MEGF11: variants seen among roughly 807,000 people sequenced by gnomAD.
MEGF11 encodes the protein multiple epidermal growth factor-like domains protein 11.
Under a neutral mutation model 146.6 loss-of-function variants are expected in MEGF11, and 126 were observed. The observed-to-expected ratio is 0.86, with a 90% CI of 0.74 to 1.00. The LOEUF is 1.00. Among genes scored for constraint, MEGF11 ranks in the 50% least tolerant of loss-of-function variants. MEGF11 has a pLI of 0.00. For synonymous variants in MEGF11, 532 were observed against 583.4 expected (o/e 0.91, Z 1.27); for missense variants, 1,509 against 1,521.2 (o/e 0.99, Z 0.13).
intron 1 of MEGF11, among the ~76,000 whole-genome samples, chr15:66,182,211 C>T (rs1318736610): frequency 1.3e-5 from 2 of 152,152 alleles, no homozygotes; most frequent in African/African-American, 2.4e-5. Context: ...TCCTCATACC[C>T]CTCCACGGGC....
rs368376012 is a variant in MEGF11 at position 65,922,884 on chromosome 15, G to C, written c.1761C>G (p.Cys587Trp). The C allele has an allele frequency of 6.2e-7, 1 of 1,613,228 alleles. No individual in the cohort carries two copies. Among genetic ancestry groups the C allele is most frequent in the South Asian group, 1.1e-5 (1 of 91,020 alleles). Residue 587 changes from cysteine (C) to tryptophan (W), a missense_variant, in exon 14 of 26, where the codon TGC becomes TGG. Cys to Trp is a radical substitution (Grantham distance 215). Transcript: ENST00000395614. ...VSCSCENGGS[C>W]SPEDGSCECA... ...ACTCGCAGCTCCCATCCTCTGGGGA[G>C]CAGGAGCCTCCATTCTCACAGCTGC... is the stretch of plus-strand genomic sequence containing the variant.
chr15:66,176,190 C>T (rs2090384327), intron 1 of MEGF11, among the ~76,000 whole-genome samples: 1 of 152,136 alleles, frequency 6.6e-6, no homozygotes, highest in Non-Finnish European at 1.5e-5. Flanking sequence ...GAAAAAGGAA[C>T]TCTTACAAGC....
chr15:65,942,590 G>A (rs912278400), intron 10 of MEGF11, among the ~76,000 whole-genome samples: 3 of 152,140 alleles, frequency 2.0e-5, no homozygotes, highest in Non-Finnish European at 2.9e-5. Flanking sequence ...GACCTCAGAT[G>A]CTATCAGCAT....
At chr15:66,205,736 G>T (rs149042602) in intron 1 of MEGF11, among the ~76,000 whole-genome samples, 61 of 152,344 alleles carry the variant, frequency 4.0e-4, no homozygotes, top group African/African-American at 1.4e-3. Flanking sequence ...GTCAACAGAG[G>T]ACAAGCGGGG....
chr15:66,205,430 C>T (rs1435659745), intron 1 of MEGF11, among the ~76,000 whole-genome samples: 2 of 152,092 alleles, frequency 1.3e-5, no homozygotes, highest in Non-Finnish European at 1.5e-5. Context: ...GGAGACAGAA[C>T]GAGATCCTGT....
intron 2 of MEGF11, among the ~76,000 whole-genome samples, chr15:66,125,081 C>T (rs1011074027): frequency 6.6e-6 from 1 of 152,214 alleles, no homozygotes; most frequent in Non-Finnish European, 1.5e-5. Context: ...AGTGGGTCCA[C>T]GGTAGGCTCT....
chr15:66,217,227 G>T (rs544668275), intron 1 of MEGF11, among the ~76,000 whole-genome samples: 2 of 152,344 alleles, frequency 1.3e-5, no homozygotes, highest in South Asian at 4.1e-4. Context: ...TCAGAGACCA[G>T]CTGGTCCGAC....
At position 66,150,196 on chromosome 15, in the gene MEGF11, G is replaced by A. The variant is rs116168956; in HGVS notation, c.-8-21785C>T. 3.6e-3 allele frequency among the ~76,000 whole-genome samples: 556 copies of A among 152,338 alleles called. 1 individual carries two copies. Among genetic ancestry groups the A allele is most frequent in the Middle Eastern group, 0.017 (5 of 294 alleles). Reference sequence around the variant, plus strand: ...CTCCAGCCCCCGAGCAGGGAGCCAGGCCACCCAGGGGAGAACGGCAGTTCA... The same window carrying A: ...CTCCAGCCCCCGAGCAGGGAGCCAGACCACCCAGGGGAGAACGGCAGTTCA... On this transcript the variant is annotated intron_variant, in intron 1 of 25. Transcript: ENST00000395614.
chr15:65,967,967 G>A (rs1280043781), intron 8 of MEGF11, among the ~76,000 whole-genome samples: 1 of 152,142 alleles, frequency 6.6e-6, no homozygotes, highest in Non-Finnish European at 1.5e-5. Context: ...TTAGAGTTAA[G>A]GAGGCTGCCA....
In MEGF11 at chr15:66,250,972, G is replaced by T. The variant is rs141745036; in HGVS notation, c.-9+2633C>A. ...GAGAATGATTGAAACCCCTGGGAAT[G>T]ATGAGAAAGGAGAAAAGAAGCAAAC... On this transcript the variant is annotated intron_variant, in intron 1 of 25. Transcript: ENST00000395614. Among the ~76,000 whole-genome samples, 590 of 152,196 alleles carry T rather than the reference G, an allele frequency of 3.9e-3. 7 individuals are homozygous for T. Among genetic ancestry groups the T allele is most frequent in the African/African-American group, 0.013 (553 of 41,522 alleles).
At chr15:66,154,459 G>A (rs895222213) in intron 1 of MEGF11, among the ~76,000 whole-genome samples, 6 of 152,122 alleles carry the variant, frequency 3.9e-5, no homozygotes, top group South Asian at 2.1e-4. Context: ...AAAAACCCGG[G>A]GGCTCAAATA....
At chr15:66,057,414 C>T (rs929584752) in intron 5 of MEGF11, among the ~76,000 whole-genome samples, 3 of 152,122 alleles carry the variant, frequency 2.0e-5, no homozygotes, top group Non-Finnish European at 4.4e-5. Context: ...GTTAATTCGT[C>T]ACTGTTTTGC....
Position 65,955,792 on chromosome 15 carries a change from A to G in MEGF11, c.1287+1755T>C, listed in dbSNP as rs868041915. Among the ~76,000 whole-genome samples, 122 of 20,610 alleles carry G rather than the reference A, an allele frequency of 5.9e-3. 12 individuals are homozygous for G. Among genetic ancestry groups the G allele is most frequent in the Non-Finnish European group, 0.01 (79 of 7,670 alleles). 13.5% of individuals were successfully genotyped at this position (20,610 alleles called of 152,430 possible). ...TATATATATATATATATATATATAT[A>G]TACACACACACACACACACACAATA... On this transcript the variant is annotated intron_variant, in intron 10 of 25. Coordinates refer to ENST00000395614, the MANE Select transcript of MEGF11 (RefSeq NM_001385028.1).
intron 5 of MEGF11, among the ~76,000 whole-genome samples, chr15:65,992,467 C>A (rs2082082170): frequency 6.9e-6 from 1 of 145,868 alleles, no homozygotes; most frequent in Non-Finnish European, 1.5e-5. Flanking sequence ...GGGGGTTAGT[C>A]ACATCCTGAG....
intron 5 of MEGF11, among the ~76,000 whole-genome samples, chr15:66,032,878 G>A (rs1022222943): frequency 4.6e-5 from 7 of 152,096 alleles, no homozygotes; most frequent in African/African-American, 9.7e-5. Flanking sequence ...TCAGGAGGTC[G>A]AGACCATCCT....
chr15:66,178,839 C>T (rs1405787953), intron 1 of MEGF11, among the ~76,000 whole-genome samples: 6 of 151,952 alleles, frequency 3.9e-5, no homozygotes, highest in East Asian at 3.9e-4. Context: ...AGAAGTGATT[C>T]GGAAAAAAGG....
chr15:65,973,563 T>C (rs1177748333), intron 7 of MEGF11, among the ~76,000 whole-genome samples: 1 of 152,158 alleles, frequency 6.6e-6, no homozygotes, highest in South Asian at 2.1e-4. Context: ...AAGGCTGCAG[T>C]GAGCTATGAT....
intron 5 of MEGF11, among the ~76,000 whole-genome samples, chr15:66,051,450 C>T (rs1047370411): frequency 6.6e-6 from 1 of 152,156 alleles, no homozygotes; most frequent in Non-Finnish European, 1.5e-5. Flanking sequence ...TCAAACACCC[C>T]CTTTTCCAAC....
At chr15:66,024,333 C>A (rs1260577874) in intron 5 of MEGF11, among the ~76,000 whole-genome samples, 1 of 152,256 alleles carries the variant, frequency 6.6e-6, no homozygotes, top group Non-Finnish European at 1.5e-5. Flanking sequence ...GCTGCGCCCA[C>A]ACATTCTCTC....
Sources: gnomAD v4.1 joint callset for allele counts (sites outside exome capture counted in the v4.1 genomes callset) on GRCh38, gnomAD v4.1.1 for gene constraint, MANE v1.5 for transcripts, NCBI Gene and HGNC (gene_info 2026-07-23, HGNC 2026-07-21) for gene names.